ZNF257: variants seen among roughly 807,000 people sequenced by gnomAD.
ZNF257 encodes the protein bone marrow zinc finger 4.
ZNF257 carries 12 observed loss-of-function variants against 11.9 expected under a neutral mutation model. The observed-to-expected ratio is 1.01, with a 90% CI of 0.65 to 1.63. The LOEUF is 1.63. Among genes scored for constraint, ZNF257 ranks in the 40% most tolerant of loss-of-function variants. The pLI is 0.00. For synonymous variants in ZNF257, 183 were observed against 222.7 expected, an observed-to-expected ratio of 0.82 and a Z score of 1.59; for missense variants, 580 against 665.5, an observed-to-expected ratio of 0.87 and a Z score of 1.41.
chr19:22,086,479 T>C (rs2022478680), intron 3 of ZNF257, among the ~76,000 whole-genome samples: 1 of 152,048 alleles, frequency 6.6e-6, no homozygotes, highest in African/African-American at 2.4e-5. Context: ...GATAAGGAAT[T>C]CTATTTTTGT....
intron 1 of ZNF257, among the ~76,000 whole-genome samples, chr19:22,053,512 A>G (rs563522941): frequency 6.6e-6 from 1 of 152,358 alleles, no homozygotes; most frequent in Non-Finnish European, 1.5e-5. Context: ...ATGCAGTTAC[A>G]TAGTTTGTTA....
rs746786422 is a variant in ZNF257, at chr19:22,088,196, A to C, written c.446A>C (p.Lys149Thr). The C allele has an allele frequency of 1.2e-5, 19 of 1,607,966 alleles. No homozygotes were observed. The African/African-American group carries it at 2.0e-4, about 17-fold the overall frequency. The change falls in exon 4 of 4, where the codon AAA becomes ACA. Residue 149 changes from lysine (K) to threonine (T), a missense_variant. Coordinates refer to ENST00000594947, the MANE Select transcript of ZNF257 (RefSeq NM_033468.4). ...TTQSKMYQCD[K>T]YVKVFYKFSN... ...CAGAGCAAAATGTATCAATGTGATA[A>C]ATATGTAAAAGTCTTCTATAAGTTT...
intron 1 of ZNF257, among the ~76,000 whole-genome samples, chr19:22,070,860 G>A (rs2022087436): frequency 6.6e-6 from 1 of 152,118 alleles, no homozygotes; most frequent in Non-Finnish European, 1.5e-5. Context: ...AAATTACTAA[G>A]TGATTTGTAA....
chr19:22,057,189 G>C (rs2021665299), intron 1 of ZNF257, among the ~76,000 whole-genome samples: 1 of 151,990 alleles, frequency 6.6e-6, no homozygotes, highest in East Asian at 1.9e-4. Flanking sequence ...TTTTCTTATT[G>C]GGTATGAAAT....
In ZNF257 at chr19:22,076,977, C is replaced by T. The variant is rs114930682; in HGVS notation, c.226+3413C>T. 6.5e-3 allele frequency among the ~76,000 whole-genome samples: 992 copies of T among 152,156 alleles called. 14 individuals carry two copies. The highest frequency in any genetic ancestry group is 0.022 in the African/African-American group (921 of 41,492). On this transcript the variant is annotated intron_variant, in intron 3 of 3. Coordinates refer to ENST00000594947, the MANE Select transcript of ZNF257 (RefSeq NM_033468.4). ...TGCTGGGATTATAGGTATGAGCCACCGCACCTGTCCTAAAATTTACCATCT... is the reference window on the plus strand; with the variant it reads ...TGCTGGGATTATAGGTATGAGCCACTGCACCTGTCCTAAAATTTACCATCT...
intron 3 of ZNF257, among the ~76,000 whole-genome samples, chr19:22,085,251 G>A (rs2022450517): frequency 6.8e-6 from 1 of 148,092 alleles, no homozygotes; most frequent in African/African-American, 2.5e-5. Flanking sequence ...CACCACACCT[G>A]GCTAATTTTG....
intron 3 of ZNF257, among the ~76,000 whole-genome samples, chr19:22,086,008 C>A (rs1325684139): frequency 1.3e-5 from 2 of 151,890 alleles, no homozygotes; most frequent in African/African-American, 2.4e-5. Flanking sequence ...TTTAATGAAT[C>A]CCTTTATTTG....
Position 22,088,095 on chromosome 19 carries a change from G to C in ZNF257, c.345G>C (p.Lys115Asn), listed in dbSNP as rs764214660. The change falls in exon 4 of 4, where the codon AAG becomes AAC. Residue 115 changes from lysine (K) to asparagine (N), a missense_variant. Lys to Asn is a moderately conservative substitution (Grantham distance 94). Coordinates refer to ENST00000594947, the MANE Select transcript of ZNF257 (RefSeq NM_033468.4). ...KCEHENLQLR[K>N]GCKSVDECKV... ...AACATGAGAATTTACAATTAAGAAA[G>C]GGCTGTAAAAGTGTGGATGAGTGTA... 1.3e-6 allele frequency: 2 copies of C among 1,528,496 alleles called. No individual in the cohort carries two copies. The highest frequency in any genetic ancestry group is 3.9e-5 in the Admixed American group (2 of 51,832). The allele number at this position is 1,528,496 out of a possible 1,614,324, so 94.7% of individuals were successfully genotyped here.
Position 22,089,771 on chromosome 19 carries a change from G to A in ZNF257, c.*329G>A. The A allele has an allele frequency of 2.9e-6, 1 of 350,288 alleles. No individual in the cohort carries two copies. The highest frequency in any genetic ancestry group is 5.3e-6 in the Non-Finnish European group (1 of 189,928). The allele number at this position is 350,288 out of a possible 1,614,324, so 21.7% of individuals were successfully genotyped here. On this transcript the variant is annotated 3_prime_UTR_variant, in exon 4 of 4. Transcript: ENST00000594947. ...CCCTTATTACACATAATTTATACTGGACAGAAATCCTAAAGTGTGAAGAAT... is the reference window on the plus strand; with the variant it reads ...CCCTTATTACACATAATTTATACTGAACAGAAATCCTAAAGTGTGAAGAAT...
At chr19:22,060,278 A>G (rs966621117) in intron 1 of ZNF257, among the ~76,000 whole-genome samples, 1 of 152,212 alleles carries the variant, frequency 6.6e-6, no homozygotes, top group Non-Finnish European at 1.5e-5. Context: ...CCAGCAGTGT[A>G]TAAGCATTCC....
In ZNF257 at chr19:22,086,810, A is replaced by G. The variant is rs182707292; in HGVS notation, c.227-1167A>G. 1.6e-4 allele frequency among the ~76,000 whole-genome samples: 24 copies of G among 152,214 alleles called. No homozygotes were observed. The East Asian group carries it at 4.4e-3, about 28-fold the overall frequency. ...CTGTTTAGTGTGTAACTCTATGCCA[A>G]TAAATGACACATCACTTTTGTCTTG... On this transcript the variant is annotated intron_variant, in intron 3 of 3. Transcript: ENST00000594947.
intron 1 of ZNF257, among the ~76,000 whole-genome samples, chr19:22,065,651 A>C (rs1301907029): frequency 6.6e-6 from 1 of 152,152 alleles, no homozygotes; most frequent in Non-Finnish European, 1.5e-5. Context: ...TAATAGGGAT[A>C]ACTCTAGGTA....
chr19:22,063,285 T>C (rs996651349), intron 1 of ZNF257, among the ~76,000 whole-genome samples: 1 of 152,180 alleles, frequency 6.6e-6, no homozygotes, highest in Non-Finnish European at 1.5e-5. Context: ...GTATATCTTA[T>C]CAATTTTTTT....
intron 1 of ZNF257, among the ~76,000 whole-genome samples, chr19:22,059,826 A>G (rs2021745868): frequency 6.6e-6 from 1 of 151,786 alleles, no homozygotes; most frequent in Non-Finnish European, 1.5e-5. Context: ...GAGCTTAAGC[A>G]ATCCTCCTAC....
chr19:22,063,101 A>T (rs1599661723), intron 1 of ZNF257, among the ~76,000 whole-genome samples: 1 of 152,128 alleles, frequency 6.6e-6, no homozygotes, highest in South Asian at 2.1e-4. Flanking sequence ...TCTTGGCAGG[A>T]TGTATTTGTC....
chr19:22,074,662 A>G (rs938915942), intron 3 of ZNF257: 2 of 152,068 alleles, frequency 1.3e-5, no homozygotes, highest in Non-Finnish European at 2.9e-5. Context: ...GAAATTTATT[A>G]TTTTAATGCT....
At chr19:22,075,368 A>G (rs969202227) in intron 3 of ZNF257, 3 of 152,218 alleles carry the variant, frequency 2.0e-5, no homozygotes, top group Non-Finnish European at 2.9e-5. Context: ...GTTGGTTTCT[A>G]GGTAAAGAGA....
In ZNF257 at chr19:22,088,736, C is replaced by T; in HGVS notation, c.986C>T (p.Ser329Leu). ...EECGKAFNQS[S>L]ALTRHKMIHT... ...TGTGGCAAAGCCTTTAACCAGTCCT[C>T]AGCCCTTACTCGACATAAGATGATT... Residue 329 changes from serine to leucine, a missense_variant, in exon 4 of 4, where the codon TCA (serine) becomes TTA (leucine). By Grantham distance (145) the Ser-to-Leu change is moderately radical (BLOSUM62 -2). Coordinates refer to ENST00000594947, the MANE Select transcript of ZNF257 (RefSeq NM_033468.4). The T allele has an allele frequency of 6.2e-7, 1 of 1,612,850 alleles. No homozygotes were observed.
intron 1 of ZNF257, among the ~76,000 whole-genome samples, chr19:22,063,631 C>A (rs955835927): frequency 6.6e-6 from 1 of 152,040 alleles, no homozygotes; most frequent in Non-Finnish European, 1.5e-5. Flanking sequence ...CATTTAAATG[C>A]GGGTTGTTTA....
Sources: allele counts gnomAD v4.1 joint callset (sites outside exome capture counted in the v4.1 genomes callset), GRCh38; gene constraint gnomAD v4.1.1; transcripts MANE v1.5; gene names NCBI Gene and HGNC (gene_info 2026-07-23, HGNC 2026-07-21).